The following PDE11A variants were observed in gnomAD, a reference collection of about 807,000 sequenced individuals.
PDE11A encodes the protein dual 3',5'-cyclic-AMP and -GMP phosphodiesterase 11A.
Under a neutral mutation model 100.5 loss-of-function variants are expected in PDE11A, and 100 were observed. The ratio of observed to expected loss-of-function variants is 1.00; its 90% confidence interval spans 0.85 to 1.18. The LOEUF is 1.18. Among genes scored for constraint, PDE11A ranks in the 50% most tolerant of loss-of-function variants. The probability of loss-of-function intolerance (pLI) is 0.00; values close to 1 mark genes in which losing one functional copy is unlikely to be tolerated. For missense variants in PDE11A, 1,141 were observed against 1,152.6 expected, an observed-to-expected ratio of 0.99 and a Z score of 0.15; for synonymous variants, 381 against 420.8, an observed-to-expected ratio of 0.91 and a Z score of 1.16.
chr2:177,723,349 G>C (rs1045174952), intron 12 of PDE11A: 8 of 152,106 alleles, frequency 5.3e-5, no homozygotes, highest in Admixed American at 4.6e-4. Context: ...TAAGATTTAA[G>C]AAGCCCCCAG....
At chr2:178,081,676 A>G (rs1246716029) in intron 2 of PDE11A, among the ~76,000 whole-genome samples, 1 of 152,202 alleles carries the variant, frequency 6.6e-6, no homozygotes, top group Non-Finnish European at 1.5e-5. Flanking sequence ...AGTTTTAAGC[A>G]CTTTTTTGTT....
At chr2:177,945,717 G>C (rs375245598) in intron 2 of PDE11A, among the ~76,000 whole-genome samples, 1 of 140,784 alleles carries the variant, frequency 7.1e-6, no homozygotes. Flanking sequence ...CACCCCGTCC[G>C]GGAGGGAGGT....
At chr2:177,810,714 T>C (rs976447637) in intron 9 of PDE11A, among the ~76,000 whole-genome samples, 15 of 152,150 alleles carry the variant, frequency 9.9e-5, no homozygotes, top group African/African-American at 3.4e-4. Flanking sequence ...CCAGGACATT[T>C]GTTCTTTAAT....
rs565837338 is a variant in PDE11A at position 177,777,533 on chromosome 2, C to G, written c.1738-8160G>C. On this transcript the variant is annotated intron_variant, in intron 9 of 19. Coordinates refer to ENST00000286063, the MANE Select transcript of PDE11A (RefSeq NM_016953.4). ...CATATTATTTAAAAGTACTATTGCCCTACCTTCCTGGATAAGTTAGTTTCC... is the reference window on the plus strand; with the variant it reads ...CATATTATTTAAAAGTACTATTGCCGTACCTTCCTGGATAAGTTAGTTTCC... Among the ~76,000 whole-genome samples the G allele has an allele frequency of 9.2e-5, 14 of 152,206 alleles. No individual in the cohort carries two copies. The South Asian group carries it at 1.2e-3, about 14-fold the overall frequency.
chr2:177,810,042 A>G (rs2105567744), intron 9 of PDE11A, among the ~76,000 whole-genome samples: 1 of 152,164 alleles, frequency 6.6e-6, no homozygotes, highest in South Asian at 2.1e-4. Context: ...CCCATGGAAG[A>G]TGGTATCTAG....
chr2:177,925,492 A>G (rs1559009518), intron 2 of PDE11A, among the ~76,000 whole-genome samples: 1 of 151,914 alleles, frequency 6.6e-6, no homozygotes, highest in Non-Finnish European at 1.5e-5. Flanking sequence ...GATGATGAGC[A>G]TTTTTTCATG....
intron 5 of PDE11A, among the ~76,000 whole-genome samples, chr2:177,859,028 T>C (rs564535732): frequency 5.9e-4 from 89 of 151,240 alleles, no homozygotes; most frequent in African/African-American, 2.1e-3. Flanking sequence ...TTCTCGCTCA[T>C]AGGTGGGAAT....
At chr2:178,023,125 T>A (rs2086435014) in intron 1 of PDE11A, among the ~76,000 whole-genome samples, 1 of 152,206 alleles carries the variant, frequency 6.6e-6, no homozygotes, top group Non-Finnish European at 1.5e-5. Context: ...GATACATTTC[T>A]GACCCAGGAT....
At chr2:178,060,329 AT>A (rs762142557) in intron 1 of PDE11A, among the ~76,000 whole-genome samples, 2 of 152,220 alleles carry the variant, frequency 1.3e-5, no homozygotes, top group Admixed American at 6.5e-5. Context: ...TGGAAAAAAA[AT>A]AAAAGAAAAC....
At chr2:177,863,995 T>C (rs758267630) in intron 5 of PDE11A, among the ~76,000 whole-genome samples, 5 of 152,080 alleles carry the variant, frequency 3.3e-5, no homozygotes, top group African/African-American at 7.2e-5. Flanking sequence ...GTGGTACATA[T>C]ATATAATGGA....
intron 14 of PDE11A, among the ~76,000 whole-genome samples, chr2:177,698,909 T>C (rs10194370): frequency 0.086 from 13,047 of 152,150 alleles, 1,865 homozygotes; most frequent in African/African-American, 0.29. Context: ...TAGGAAGCTA[T>C]GGAAAAGCAG....
At chr2:178,038,299 C>T (rs2086642231) in intron 1 of PDE11A, among the ~76,000 whole-genome samples, 2 of 145,028 alleles carry the variant, frequency 1.4e-5, no homozygotes, top group African/African-American at 5.0e-5. Context: ...ACCCCACCAT[C>T]CCCCACCTCA....
At chr2:178,052,754 G>C (rs62185278) in intron 1 of PDE11A, among the ~76,000 whole-genome samples, 5,694 of 152,222 alleles carry the variant, frequency 0.037, 137 homozygotes, top group Non-Finnish European at 0.057. Context: ...AAATAAACTA[G>C]AAAATCTAGA....
At chr2:177,781,692 G>A (rs1181199822) in intron 9 of PDE11A, among the ~76,000 whole-genome samples, 1 of 152,108 alleles carries the variant, frequency 6.6e-6, no homozygotes, top group Non-Finnish European at 1.5e-5. Flanking sequence ...AGTAGAGAAG[G>A]GGTTTCGCCA....
At chr2:178,038,974 T>G (rs1208718219) in intron 1 of PDE11A, 1 of 152,196 alleles carries the variant, frequency 6.6e-6, no homozygotes, top group Non-Finnish European at 1.5e-5. Context: ...GCAAGGATGA[T>G]GAGCAAATTC....
chr2:177,881,259 TG>T (rs2084330405), intron 4 of PDE11A, among the ~76,000 whole-genome samples: 2 of 152,208 alleles, frequency 1.3e-5, no homozygotes, highest in South Asian at 4.1e-4. Context: ...GACAGTAAAC[TG>T]TGGGACTTCT....
At chr2:177,640,767 T>G (rs951848008) in intron 19 of PDE11A, among the ~76,000 whole-genome samples, 1 of 152,244 alleles carries the variant, frequency 6.6e-6, no homozygotes, top group African/African-American at 2.4e-5. Flanking sequence ...GTGGACGGAC[T>G]GTTTACAACT....
intron 13 of PDE11A, among the ~76,000 whole-genome samples, chr2:177,701,602 G>A (rs1351302716): frequency 6.6e-6 from 1 of 152,168 alleles, no homozygotes; most frequent in African/African-American, 2.4e-5. Flanking sequence ...TGCTATGGAC[G>A]TTCTGAGGAA....
At chr2:177,844,762 A>T (rs948286509) in intron 5 of PDE11A, among the ~76,000 whole-genome samples, 2 of 151,080 alleles carry the variant, frequency 1.3e-5, no homozygotes, top group African/African-American at 2.4e-5. Context: ...GCTGCCTTCA[A>T]GCATCTGTTT....
Sources: allele counts gnomAD v4.1 joint callset (sites outside exome capture counted in the v4.1 genomes callset), GRCh38; gene constraint gnomAD v4.1.1; transcripts MANE v1.5; gene names NCBI Gene and HGNC (gene_info 2026-07-23, HGNC 2026-07-21).